Variants in PARD3 observed in about 807,000 individuals in gnomAD.
PARD3 encodes the protein par-3 family cell polarity regulator, also known as partitioning defective 3 homolog.
A neutral mutation model predicts 155.4 loss-of-function variants in PARD3; 75 were observed. The ratio of observed to expected loss-of-function variants is 0.48; its 90% CI spans 0.40 to 0.58. The LOEUF (loss-of-function observed/expected upper bound fraction) is 0.58. Ranked by LOEUF, PARD3 falls within the 20% of genes least tolerant of loss-of-function variation. PARD3 has a pLI of 0.00. For missense variants in PARD3, 1,642 were observed against 1,721.7 expected, an observed-to-expected ratio of 0.95 and a Z score of 0.82; for synonymous variants, 576 against 610.5, an observed-to-expected ratio of 0.94 and a Z score of 0.83.
intron 12 of PARD3, among the ~76,000 whole-genome samples, chr10:34,371,033 G>T (rs1005511509): frequency 6.6e-6 from 1 of 152,064 alleles, no homozygotes; most frequent in Non-Finnish European, 1.5e-5. Context: ...CATCATGTCA[G>T]TTTCTGTAAC....
rs562433243 is a variant in PARD3, at chr10:34,475,219, CAT to C, written c.404-4958_404-4957del. On this transcript the variant is annotated intron_variant, in intron 3 of 24. Coordinates refer to ENST00000374788, the MANE Select transcript of PARD3 (RefSeq NM_001184785.2). ...ACTTTAATAATAATAAAACTCATCA[CAT>C]GTTAACACAACTCAATTTTATGAAA... 6.6e-5 allele frequency among the ~76,000 whole-genome samples: 10 copies of C among 152,298 alleles called. No homozygotes were observed. In the East Asian group the frequency reaches 1.7e-3, roughly 26 times the overall value.
At chr10:34,207,278 G>C (rs1951525403) in intron 22 of PARD3, among the ~76,000 whole-genome samples, 1 of 152,080 alleles carries the variant, frequency 6.6e-6, no homozygotes, top group African/African-American at 2.4e-5. Context: ...TCTTGGGTGG[G>C]GACAAAAAGG....
intron 2 of PARD3, among the ~76,000 whole-genome samples, chr10:34,687,846 CTTTTTTT>C (rs397846339): frequency 1.1e-3 from 73 of 63,712 alleles, no homozygotes; most frequent in African/African-American, 4.9e-3. Context: ...CACCTGAAAT[CTTTTTTT>C]TTTTTTTTTT....
intron 1 of PARD3, among the ~76,000 whole-genome samples, chr10:34,778,626 T>A (rs1017301562): frequency 6.6e-6 from 1 of 150,782 alleles, no homozygotes; most frequent in African/African-American, 2.4e-5. Context: ...TGGAGGAAAA[T>A]TTCTACACTG....
chr10:34,579,923 A>T (rs1301519383), intron 2 of PARD3, among the ~76,000 whole-genome samples: 5 of 143,160 alleles, frequency 3.5e-5, no homozygotes, highest in African/African-American at 1.1e-4. Flanking sequence ...AAAAAAAAAT[A>T]GTTTTTGAGA....
chr10:34,790,585 C>A (rs1841508779), intron 1 of PARD3, among the ~76,000 whole-genome samples: 1 of 151,558 alleles, frequency 6.6e-6, no homozygotes. Flanking sequence ...AGCTGAAGTA[C>A]CAGGAAAGAG....
At chr10:34,455,736 T>A (rs1487078350) in intron 4 of PARD3, among the ~76,000 whole-genome samples, 2 of 152,112 alleles carry the variant, frequency 1.3e-5, no homozygotes. Context: ...TTTTTTTAAA[T>A]AAGGAAACCC....
chr10:34,341,541 A>T, intron 16 of PARD3, 86 bp downstream of exon 16: 1 of 987,354 alleles, frequency 1.0e-6, no homozygotes, highest in Non-Finnish European at 1.5e-6. Context: ...TAAAAAAATG[A>T]TTAACTGTAT....
intron 7 of PARD3, among the ~76,000 whole-genome samples, chr10:34,387,474 G>C (rs866181132): frequency 1.3e-5 from 2 of 152,006 alleles, no homozygotes; most frequent in Non-Finnish European, 2.9e-5. Flanking sequence ...GGTATACTGG[G>C]CTCAATCACA....
At chr10:34,215,335 ACT>A (rs1263418255) in intron 22 of PARD3, among the ~76,000 whole-genome samples, 1 of 152,066 alleles carries the variant, frequency 6.6e-6, no homozygotes, top group Non-Finnish European at 1.5e-5. Flanking sequence ...TTTATGTGAA[ACT>A]CTGTTTCTAC....
At chr10:34,382,359 T>C (rs907711086) in intron 9 of PARD3, among the ~76,000 whole-genome samples, 181 bp downstream of exon 9, 5 of 152,202 alleles carry the variant, frequency 3.3e-5, no homozygotes, top group Admixed American at 3.3e-4. Context: ...GAAATACAAT[T>C]TGAAATATGT....
intron 1 of PARD3, among the ~76,000 whole-genome samples, chr10:34,779,226 A>C (rs1839953529): frequency 6.6e-6 from 1 of 152,144 alleles, no homozygotes; most frequent in South Asian, 2.1e-4. Flanking sequence ...GAATCGCTTG[A>C]ACCTGGGAGG....
chr10:34,114,425 C>T (rs1164019538), intron 24 of PARD3, among the ~76,000 whole-genome samples: 1 of 152,168 alleles, frequency 6.6e-6, no homozygotes, highest in Non-Finnish European at 1.5e-5. Context: ...CTCACTGCAA[C>T]TTCTACTTCC....
intron 2 of PARD3, among the ~76,000 whole-genome samples, chr10:34,689,299 TC>T (rs1564511067): frequency 1.3e-5 from 2 of 152,116 alleles, no homozygotes; most frequent in Non-Finnish European, 2.9e-5. Context: ...CATCACACGA[TC>T]CCTCAGTCTG....
chr10:34,453,890 G>C (rs2077191729), intron 4 of PARD3, among the ~76,000 whole-genome samples: 1 of 152,280 alleles, frequency 6.6e-6, no homozygotes, highest in Admixed American at 6.5e-5. Context: ...CACTGCACTT[G>C]AAGAATTTTA....
At chr10:34,736,608 G>A (rs189305426) in intron 1 of PARD3, among the ~76,000 whole-genome samples, 1 of 151,990 alleles carries the variant, frequency 6.6e-6, no homozygotes, top group South Asian at 2.1e-4. Context: ...ACTGAAGAAA[G>A]AGTTATTTCA....
chr10:34,442,480 T>G (rs1418444307), intron 5 of PARD3, among the ~76,000 whole-genome samples: 1 of 152,184 alleles, frequency 6.6e-6, no homozygotes, highest in Non-Finnish European at 1.5e-5. Context: ...CCCCGGTGGC[T>G]CAGGCCGGTT....
chr10:34,678,831 G>A (rs1266696585), intron 2 of PARD3, among the ~76,000 whole-genome samples: 1 of 151,758 alleles, frequency 6.6e-6, no homozygotes, highest in South Asian at 2.1e-4. Context: ...AAAAATTAAA[G>A]GGGTGTTTTA....
intron 15 of PARD3, chr10:34,343,955 G>C: frequency 1.0e-6 from 1 of 981,626 alleles, no homozygotes; most frequent in Non-Finnish European, 1.2e-6. Context: ...AACTGTGCCA[G>C]TGACATGACT....
Sources: allele counts gnomAD v4.1 joint callset (sites outside exome capture counted in the v4.1 genomes callset), GRCh38; gene constraint gnomAD v4.1.1; transcripts MANE v1.5; gene names NCBI Gene and HGNC (gene_info 2026-07-23, HGNC 2026-07-21).